Variants in NETO2 observed in about 807,000 individuals in gnomAD.
NETO2 encodes neuropilin and tolloid-like protein 2.
Under a neutral mutation model 62.5 loss-of-function variants are expected in NETO2, and 28 were observed. The observed-to-expected ratio is 0.45, with a 90% CI of 0.33 to 0.61. The LOEUF (loss-of-function observed/expected upper bound fraction) is 0.61. Among genes scored for constraint, NETO2 ranks in the 20% least tolerant of loss-of-function variants. The pLI, the probability that NETO2 is intolerant of heterozygous loss-of-function variation, is 0.02. For missense variants in NETO2, 548 were observed against 643.2 expected, an observed-to-expected ratio of 0.85 and a Z score of 1.60; for synonymous variants, 214 against 219.1, an observed-to-expected ratio of 0.98 and a Z score of 0.21.
chr16:47,143,542 A>AG, intron 1 of NETO2, 37 bp downstream of exon 1: 3 of 1,220,614 alleles, frequency 2.5e-6, no homozygotes, highest in Non-Finnish European at 3.1e-6. Context: ...CTCGGCCCGC[A>AG]GGGGGCGCCG....
chr16:47,086,888 A>G (rs1963200700), intron 7 of NETO2, among the ~76,000 whole-genome samples: 1 of 152,198 alleles, frequency 6.6e-6, no homozygotes, highest in Non-Finnish European at 1.5e-5. Flanking sequence ...AACAAACAAA[A>G]TGCCCATTGA....
chr16:47,083,510 G>C lies in NETO2; in HGVS notation c.1289C>G (p.Thr430Ser). 6.2e-7 allele frequency: 1 copy of C among 1,614,242 alleles called. No individual in the cohort carries two copies. The highest frequency in any genetic ancestry group is 1.1e-5 in the South Asian group (1 of 91,086). The change falls in exon 9 of 9, where the codon ACC becomes AGC. Residue 430 changes from threonine (T) to serine (S), a missense_variant. Coordinates refer to ENST00000562435, the MANE Select transcript of NETO2 (RefSeq NM_018092.5). ...DNYQKMRRSS[T>S]ASRCIHDHHC... is the part of the protein sequence containing the mutation. ...GTGGTCGTGGATGCAGCGGGAGGCG[G>C]TGGAGGAGCGCCGCATCTTCTGGTA...
At chr16:47,083,903 C>A in intron 8 of NETO2, 102 bp from the exon 9 acceptor site, 1 of 775,168 alleles carries the variant, frequency 1.3e-6, no homozygotes, top group Non-Finnish European at 2.0e-6. Flanking sequence ...ATACTTGGGC[C>A]AAATATACTA....
chr16:47,142,986 CCGCGGCGCCCG>C (rs956997955), intron 1 of NETO2, among the ~76,000 whole-genome samples: 3 of 151,814 alleles, frequency 2.0e-5, no homozygotes, highest in African/African-American at 7.2e-5. Context: ...CAAGCCGGGT[CCGCGGCGCCCG>C]CGCGCCGCCC....
intron 4 of NETO2, among the ~76,000 whole-genome samples, chr16:47,124,086 AG>A (rs1283032537): frequency 1.3e-5 from 2 of 152,238 alleles, no homozygotes; most frequent in Non-Finnish European, 2.9e-5. Context: ...CAGATACTTT[AG>A]GAAGTTATCA....
At position 47,128,713 on chromosome 16, in the gene NETO2, C is replaced by T. The variant is rs564944587; in HGVS notation, c.233-140G>A. On this transcript the variant is annotated intron_variant, in intron 3 of 8. Coordinates refer to ENST00000562435, the MANE Select transcript of NETO2 (RefSeq NM_018092.5). Reference sequence around the variant, plus strand: ...TCTTAGTGAGAATTGCTATACAAGTCATGATAAATGTATCTTACATTAAAA... The same window carrying T: ...TCTTAGTGAGAATTGCTATACAAGTTATGATAAATGTATCTTACATTAAAA... The T allele has an allele frequency of 8.0e-5, 69 of 865,592 alleles. 2 individuals are homozygous for T. In the South Asian group the frequency reaches 1.1e-3, roughly 13 times the overall value. 53.6% of individuals were successfully genotyped at this position (865,592 alleles called of 1,614,324 possible). A position where few individuals can be genotyped will look rare whatever the true frequency, so the allele number is the denominator to read the frequency against.
At chr16:47,099,637 A>G (rs1301596112) in intron 7 of NETO2, among the ~76,000 whole-genome samples, 1 of 149,420 alleles carries the variant, frequency 6.7e-6, no homozygotes, top group Non-Finnish European at 1.5e-5. Context: ...AAATGGCAAG[A>G]AAAAAAAAAG....
At chr16:47,113,565 T>C (rs1004113089) in intron 6 of NETO2, among the ~76,000 whole-genome samples, 1 of 151,750 alleles carries the variant, frequency 6.6e-6, no homozygotes, top group African/African-American at 2.4e-5. Flanking sequence ...TGTTACTATA[T>C]GGATGTACCA....
chr16:47,143,004 G>A (rs996475882), intron 1 of NETO2, among the ~76,000 whole-genome samples: 5 of 151,854 alleles, frequency 3.3e-5, no homozygotes, highest in African/African-American at 1.2e-4. Flanking sequence ...CCCGCGCGCC[G>A]CCCCCGGAGC....
In NETO2 at chr16:47,113,680, C is replaced by T. The variant is rs541895785; in HGVS notation, c.655-3969G>A. Among the ~76,000 whole-genome samples, 7 of 151,030 alleles carry T rather than the reference C, an allele frequency of 4.6e-5. No homozygotes were observed. In the East Asian group the frequency reaches 1.2e-3, roughly 25 times the overall value. ...AATCTTGGCTCACTGCAACCTCCGCCTCAAGGATTCAAGCAATTCTCCTGC... is the reference window on the plus strand; with the variant it reads ...AATCTTGGCTCACTGCAACCTCCGCTTCAAGGATTCAAGCAATTCTCCTGC... On this transcript the variant is annotated intron_variant, in intron 6 of 8. Coordinates refer to ENST00000562435, the MANE Select transcript of NETO2 (RefSeq NM_018092.5).
intron 4 of NETO2, among the ~76,000 whole-genome samples, 178 bp from the exon 5 acceptor site, chr16:47,123,090 C>T (rs969344705): frequency 7.2e-5 from 11 of 152,170 alleles, no homozygotes; most frequent in Middle Eastern, 3.4e-3. Context: ...TATTTAATCA[C>T]GTTTATATTT....
intron 6 of NETO2, among the ~76,000 whole-genome samples, chr16:47,111,371 T>G (rs1963797166): frequency 6.6e-6 from 1 of 152,182 alleles, no homozygotes; most frequent in Admixed American, 6.5e-5. Flanking sequence ...AAAGACATAT[T>G]TTTAAAAAAA....
intron 6 of NETO2, among the ~76,000 whole-genome samples, chr16:47,116,452 A>G (rs1963924322): frequency 6.6e-6 from 1 of 152,116 alleles, no homozygotes; most frequent in Non-Finnish European, 1.5e-5. Flanking sequence ...CAAATGTTGA[A>G]CCAGACTTGC....
intron 1 of NETO2, among the ~76,000 whole-genome samples, chr16:47,132,849 T>C (rs759625100): frequency 1.8e-4 from 28 of 152,142 alleles, no homozygotes; most frequent in Admixed American, 1.3e-4. Context: ...GTTAAGAGTA[T>C]GGACTTAAGG....
intron 1 of NETO2, among the ~76,000 whole-genome samples, chr16:47,137,793 T>C (rs548370239): frequency 2.3e-4 from 35 of 152,366 alleles, no homozygotes; most frequent in Non-Finnish European, 4.4e-4. Context: ...CACACTTCTA[T>C]GTTAGCATTA....
intron 1 of NETO2, among the ~76,000 whole-genome samples, chr16:47,134,629 C>G (rs1964332600): frequency 6.6e-6 from 1 of 152,158 alleles, no homozygotes; most frequent in Admixed American, 6.5e-5. Flanking sequence ...TCCTTAATCA[C>G]AGGTGTAACT....
chr16:47,096,981 G>A (rs548637570), intron 7 of NETO2, among the ~76,000 whole-genome samples: 4 of 152,274 alleles, frequency 2.6e-5, no homozygotes, highest in East Asian at 1.9e-4. Context: ...AGGGAACGGC[G>A]CATTCTGGCC....
chr16:47,103,218 C>T (rs181855833), intron 7 of NETO2, among the ~76,000 whole-genome samples: 77 of 152,216 alleles, frequency 5.1e-4, no homozygotes, highest in Non-Finnish European at 9.1e-4. Flanking sequence ...CATGTTCTCA[C>T]TCATAAGTGG....
intron 1 of NETO2, among the ~76,000 whole-genome samples, chr16:47,132,888 G>A (rs1047926616): frequency 3.3e-5 from 5 of 152,178 alleles, no homozygotes; most frequent in Admixed American, 1.3e-4. Flanking sequence ...TAGGGTTCAA[G>A]TTTTGCCTTC....
Sources: allele counts gnomAD v4.1 joint callset (sites outside exome capture counted in the v4.1 genomes callset), GRCh38; gene constraint gnomAD v4.1.1; transcripts MANE v1.5; gene names NCBI Gene and HGNC (gene_info 2026-07-23, HGNC 2026-07-21).